Variants in CPSF6 observed in about 807,000 individuals in gnomAD.
CPSF6 encodes cleavage and polyadenylation specificity factor subunit 6.
Under a neutral mutation model 56.7 loss-of-function variants are expected in CPSF6, and 10 were observed. The ratio of observed to expected loss-of-function variants is 0.18; its 90% confidence interval spans 0.11 to 0.30. The LOEUF (loss-of-function observed/expected upper bound fraction) is 0.30. CPSF6 is among the 10% of genes least tolerant of loss of function. CPSF6 has a pLI of 1.00. For missense variants in CPSF6, 419 were observed against 722.9 expected (o/e 0.58, Z 4.82); for synonymous variants, 248 against 244.8 (o/e 1.01, Z -0.12).
At chr12:69,254,438 G>A (rs1273528364) in intron 3 of CPSF6, among the ~76,000 whole-genome samples, 1 of 152,064 alleles carries the variant, frequency 6.6e-6, no homozygotes. Flanking sequence ...CTTCATTCAG[G>A]ACTCAAACTG....
chr12:69,257,709 T>G (rs751256619), intron 4 of CPSF6, 23 bp from the exon 5 acceptor site: 1 of 1,594,916 alleles, frequency 6.3e-7, no homozygotes. Flanking sequence ...AAGTGCTATT[T>G]ATGAGTATTT....
At chr12:69,244,851 C>T (rs1871809827) in intron 1 of CPSF6, among the ~76,000 whole-genome samples, 1 of 152,116 alleles carries the variant, frequency 6.6e-6, no homozygotes, top group Non-Finnish European at 1.5e-5. Flanking sequence ...CTGTCATCTC[C>T]TAGGATAACT....
chr12:69,251,688 A>G (rs569981513), intron 2 of CPSF6, among the ~76,000 whole-genome samples: 3 of 152,300 alleles, frequency 2.0e-5, no homozygotes, highest in Admixed American at 6.5e-5. Flanking sequence ...CCAGGATTCA[A>G]GTGTAAAAGG....
chr12:69,254,223 C>T (rs1264301881), intron 3 of CPSF6, among the ~76,000 whole-genome samples: 1 of 152,094 alleles, frequency 6.6e-6, no homozygotes, highest in Non-Finnish European at 1.5e-5. Flanking sequence ...CTCATGGTTT[C>T]CTGTCTGTCT....
intron 1 of CPSF6, among the ~76,000 whole-genome samples, chr12:69,249,152 CG>C (rs548477892): frequency 0.3 from 5,038 of 16,634 alleles, 1,526 homozygotes; most frequent in Non-Finnish European, 0.37. Flanking sequence ...CCCAGCTACT[CG>C]GGGGGGGGGG....
chr12:69,251,647 A>G (rs1872249220), intron 2 of CPSF6, among the ~76,000 whole-genome samples: 1 of 152,176 alleles, frequency 6.6e-6, no homozygotes, highest in Admixed American at 6.5e-5. Context: ...GCCCAGTTTC[A>G]CTAAAAATAA....
intron 1 of CPSF6, among the ~76,000 whole-genome samples, chr12:69,247,017 A>G (rs1276276676): frequency 6.6e-6 from 1 of 152,210 alleles, no homozygotes; most frequent in African/African-American, 2.4e-5. Context: ...CAGGCCTGTC[A>G]GGGAGAATGA....
intron 6 of CPSF6, 94 bp downstream of exon 6, chr12:69,259,188 C>A: frequency 1.4e-6 from 2 of 1,389,470 alleles, no homozygotes; most frequent in Non-Finnish European, 1.9e-6. Flanking sequence ...TATGTTATTT[C>A]TGCCTTCCAA....
intron 1 of CPSF6, among the ~76,000 whole-genome samples, chr12:69,245,647 T>G (rs1250026878): frequency 6.6e-6 from 1 of 152,124 alleles, no homozygotes; most frequent in Non-Finnish European, 1.5e-5. Flanking sequence ...TCTGTGAACT[T>G]TAGGGAAACT....
chr12:69,241,925 CAAA>C (rs57273995), intron 1 of CPSF6, among the ~76,000 whole-genome samples: 3 of 128,902 alleles, frequency 2.3e-5, no homozygotes, highest in Non-Finnish European at 5.1e-5. Flanking sequence ...GTTTCTGTAC[CAAA>C]AAAAAAAAAA....
At chr12:69,244,449 C>T (rs906502960) in intron 1 of CPSF6, among the ~76,000 whole-genome samples, 10 of 152,258 alleles carry the variant, frequency 6.6e-5, no homozygotes, top group South Asian at 4.1e-4. Flanking sequence ...GTCTCGAACT[C>T]GTGACCTCAA....
intron 1 of CPSF6, among the ~76,000 whole-genome samples, chr12:69,248,663 CAG>C (rs1051295712): frequency 1.8e-4 from 28 of 152,136 alleles, no homozygotes; most frequent in African/African-American, 5.8e-4. Flanking sequence ...GCTGTACAAA[CAG>C]AATAAAATTA....
At chr12:69,263,877 T>C (rs1361927285) in intron 9 of CPSF6, among the ~76,000 whole-genome samples, 2 of 152,108 alleles carry the variant, frequency 1.3e-5, no homozygotes, top group African/African-American at 2.4e-5. Context: ...ATTTTGAATA[T>C]GCAGATTGAA....
At chr12:69,265,296 T>C (rs968206554) in intron 9 of CPSF6, among the ~76,000 whole-genome samples, 5 of 152,186 alleles carry the variant, frequency 3.3e-5, no homozygotes, top group Non-Finnish European at 1.5e-5. Context: ...AAAATAAAAG[T>C]AGTTCAGTGC....
intron 1 of CPSF6, among the ~76,000 whole-genome samples, chr12:69,243,326 T>C (rs558420610): frequency 6.6e-6 from 1 of 152,334 alleles, no homozygotes; most frequent in South Asian, 2.1e-4. Context: ...TGAGAGATAC[T>C]ATATTTAGCT....
At chr12:69,264,089 CT>C (rs1872866553) in intron 9 of CPSF6, among the ~76,000 whole-genome samples, 1 of 151,892 alleles carries the variant, frequency 6.6e-6, no homozygotes, top group African/African-American at 2.4e-5. Flanking sequence ...CTTTTTTCCC[CT>C]GAGTTAAATA....
At chr12:69,261,407 A>T (rs926089651) in intron 8 of CPSF6, among the ~76,000 whole-genome samples, 3 of 151,560 alleles carry the variant, frequency 2.0e-5, no homozygotes, top group East Asian at 1.9e-4. Context: ...CTACAAAAAA[A>T]TTTTAAAAAT....
chr12:69,246,044 G>A (rs879677213), intron 1 of CPSF6, among the ~76,000 whole-genome samples: 2 of 152,154 alleles, frequency 1.3e-5, no homozygotes, highest in Admixed American at 1.3e-4. Context: ...CTGAGATCAG[G>A]CCACTGTACT....
intron 3 of CPSF6, among the ~76,000 whole-genome samples, chr12:69,254,779 A>G (rs1391486961): frequency 6.6e-6 from 1 of 152,190 alleles, no homozygotes; most frequent in African/African-American, 2.4e-5. Context: ...CATTAGGGGG[A>G]AAAGAGCTTA....
Sources: allele counts gnomAD v4.1 joint callset (sites outside exome capture counted in the v4.1 genomes callset), GRCh38; gene constraint gnomAD v4.1.1; transcripts MANE v1.5; gene names NCBI Gene and HGNC (gene_info 2026-07-23, HGNC 2026-07-21).